VAPA: variants seen among roughly 807,000 people sequenced by gnomAD.
The protein encoded by VAPA is VAMP associated protein A.
In VAPA, 6 loss-of-function variants were observed where a neutral mutation model predicts 25.6. That is an observed-to-expected ratio of 0.23 (90% confidence interval 0.13 to 0.46). The LOEUF (loss-of-function observed/expected upper bound fraction) is 0.46, where lower values mean the gene tolerates loss of function less well. VAPA is among the 20% of genes least tolerant of loss of function. The pLI is 0.99. For missense variants in VAPA, 244 were observed against 302.1 expected, an observed-to-expected ratio of 0.81 and a Z score of 1.43; for synonymous variants, 112 against 106.2, an observed-to-expected ratio of 1.05 and a Z score of -0.34.
At chr18:9,924,797 G>A (rs2069186408) in intron 1 of VAPA, 1 of 151,942 alleles carries the variant, frequency 6.6e-6, no homozygotes, top group Admixed American at 6.6e-5. Flanking sequence ...GTTAGACTGG[G>A]ATAGAGAGGG....
intron 1 of VAPA, among the ~76,000 whole-genome samples, chr18:9,928,158 T>C (rs940393845): frequency 6.6e-6 from 1 of 152,128 alleles, no homozygotes; most frequent in African/African-American, 2.4e-5. Context: ...TTTCCCTGAT[T>C]TATAGGGATT....
intron 1 of VAPA, among the ~76,000 whole-genome samples, chr18:9,919,124 C>A (rs1001714649): frequency 1.3e-5 from 2 of 152,188 alleles, no homozygotes; most frequent in Non-Finnish European, 2.9e-5. Context: ...CTTGCGTGAT[C>A]CTCCTGCCTT....
chr18:9,936,390 A>G (rs1385763896), intron 3 of VAPA, 177 bp downstream of exon 3: 7 of 440,258 alleles, frequency 1.6e-5, no homozygotes, highest in South Asian at 5.5e-5. Context: ...ATTTTTAAAT[A>G]GTATTTTTTT....
In VAPA at chr18:9,937,047, C is replaced by G; in HGVS notation, c.398C>G (p.Pro133Arg). The change falls in exon 4 of 6, where the codon CCC becomes CGC. Residue 133 changes from proline to arginine, a missense_variant. Coordinates refer to ENST00000400000, the MANE Select transcript of VAPA (RefSeq NM_194434.3). ...DSKLRCVFEMPNENDKLNDME... is the reference protein window; with the variant it reads ...DSKLRCVFEMRNENDKLNDME... ...AAATTGAGATGCGTATTTGAAATGC[C>G]CAATGAAAATGATAAATTGGTAAGT... 1 of 1,613,180 alleles carries G rather than the reference C, an allele frequency of 6.2e-7. No homozygotes were observed. The highest frequency in any genetic ancestry group is 1.1e-5 in the South Asian group (1 of 90,992).
At chr18:9,927,937 G>A (rs2069215703) in intron 1 of VAPA, among the ~76,000 whole-genome samples, 1 of 152,114 alleles carries the variant, frequency 6.6e-6, no homozygotes, top group Non-Finnish European at 1.5e-5. Context: ...TAATTGAAAG[G>A]TAGAAGTATT....
At chr18:9,941,702 T>C (rs1423879604) in intron 4 of VAPA, among the ~76,000 whole-genome samples, 1 of 152,176 alleles carries the variant, frequency 6.6e-6, no homozygotes, top group Admixed American at 6.5e-5. Flanking sequence ...GAAATTTGGC[T>C]CTTTGGAAAT....
At chr18:9,932,958 A>G (rs2069271528) in intron 2 of VAPA, among the ~76,000 whole-genome samples, 2 of 152,074 alleles carry the variant, frequency 1.3e-5, no homozygotes, top group African/African-American at 4.8e-5. Context: ...AATACAAAAA[A>G]TTAGTCGGGT....
intron 4 of VAPA, among the ~76,000 whole-genome samples, chr18:9,946,448 A>AAGG (rs2069424617): frequency 6.6e-6 from 1 of 151,160 alleles, no homozygotes. Context: ...AAACTTTCTT[A>AAGG]AAACACTATG....
intron 4 of VAPA, chr18:9,948,408 TA>T (rs1335250256): frequency 6.6e-6 from 1 of 152,184 alleles, no homozygotes; most frequent in East Asian, 1.9e-4. Context: ...AATAGTAATA[TA>T]AATAATAGTT....
At chr18:9,938,584 G>T (rs1165232613) in intron 4 of VAPA, among the ~76,000 whole-genome samples, 2 of 152,166 alleles carry the variant, frequency 1.3e-5, no homozygotes, top group African/African-American at 4.8e-5. Context: ...AACTCGAGCA[G>T]GAGTAGTTTG....
At chr18:9,914,523 C>G (rs1204041806) in intron 1 of VAPA, 188 bp downstream of exon 1, 3 of 358,426 alleles carry the variant, frequency 8.4e-6, no homozygotes, top group Non-Finnish European at 1.5e-5. Flanking sequence ...TGCTCCGGCC[C>G]GCTTCATCCC....
At chr18:9,924,431 G>A (rs371906010) in intron 1 of VAPA, among the ~76,000 whole-genome samples, 11 of 152,296 alleles carry the variant, frequency 7.2e-5, no homozygotes, top group African/African-American at 1.2e-4. Context: ...GAAGTTTAGA[G>A]TGGAGGGACA....
At chr18:9,944,142 C>T (rs2069397038) in intron 4 of VAPA, among the ~76,000 whole-genome samples, 1 of 151,918 alleles carries the variant, frequency 6.6e-6, no homozygotes, top group Non-Finnish European at 1.5e-5. Flanking sequence ...AGCCACCGCG[C>T]CTGACCTTGA....
At chr18:9,935,998 A>T (rs2069306086) in intron 2 of VAPA, 112 bp from the exon 3 acceptor site, 1 of 645,374 alleles carries the variant, frequency 1.5e-6, no homozygotes, top group Non-Finnish European at 2.4e-6. Context: ...CTATTGCCAG[A>T]TACGGTTTAA....
Position 9,959,935 on chromosome 18 carries a change from G to GT in VAPA, c.*5725dup, listed in dbSNP as rs1014717966. 5.9e-5 allele frequency: 9 copies of GT among 152,048 alleles called. No individual in the cohort carries two copies. The highest frequency in any genetic ancestry group is 1.9e-4 in the African/African-American group (8 of 41,488). The allele number at this position is 152,048 out of a possible 1,614,324, so 9.4% of individuals were successfully genotyped here. A position where few individuals can be genotyped will look rare whatever the true frequency, so the allele number is the denominator to read the frequency against. ...ATAATATGTAGATAAATATATGAGG[G>GT]TATTAAGCTACTTTGAATTAAATTT... On this transcript the variant is annotated 3_prime_UTR_variant, in exon 6 of 6. Transcript: ENST00000400000.
chr18:9,928,944 A>G (rs993205240), intron 1 of VAPA, among the ~76,000 whole-genome samples: 1 of 152,224 alleles, frequency 6.6e-6, no homozygotes, highest in Non-Finnish European at 1.5e-5. Flanking sequence ...GGGCAAAATA[A>G]GAATATGCCG....
chr18:9,952,576 A>C lies in VAPA; in HGVS notation c.592-1477A>C, dbSNP rs370074313. On this transcript the variant is annotated intron_variant, in intron 5 of 5. Coordinates refer to ENST00000400000, the MANE Select transcript of VAPA (RefSeq NM_194434.3). ...CAAAACATCGTCTCAAAAAAAAAAA[A>C]AAAACAAAACCCTTGAAGACCCACT... Among the ~76,000 whole-genome samples the C allele has an allele frequency of 2.6e-3, 391 of 151,922 alleles. 3 individuals carry two copies. Among genetic ancestry groups the C allele is most frequent in the African/African-American group, 6.9e-3 (286 of 41,396 alleles).
intron 4 of VAPA, chr18:9,947,465 T>C (rs1027972556): frequency 3.3e-5 from 5 of 152,214 alleles, no homozygotes; most frequent in African/African-American, 1.2e-4. Flanking sequence ...AAAACATCAT[T>C]ATACAGAACA....
In VAPA at chr18:9,959,579, G is replaced by T. The variant is rs1473035957; in HGVS notation, c.*5368G>T. 1 of 151,954 alleles carries T rather than the reference G, an allele frequency of 6.6e-6. No homozygotes were observed. The highest frequency in any genetic ancestry group is 1.5e-5 in the Non-Finnish European group (1 of 67,974). 9.4% of individuals were successfully genotyped at this position (151,954 alleles called of 1,614,324 possible). ...ATTAAAGCAAGAGTTTTTTATAATT[G>T]ACTTTGTGGTCTAAATTCTTGATAC... On this transcript the variant is annotated 3_prime_UTR_variant, in exon 6 of 6. Coordinates refer to ENST00000400000, the MANE Select transcript of VAPA (RefSeq NM_194434.3).
Sources: gnomAD v4.1 joint callset for allele counts (sites outside exome capture counted in the v4.1 genomes callset) on GRCh38, gnomAD v4.1.1 for gene constraint, MANE v1.5 for transcripts, NCBI Gene and HGNC (gene_info 2026-07-23, HGNC 2026-07-21) for gene names.